Variants in SMAD3 observed in about 807,000 individuals in gnomAD.
SMAD3 encodes SMAD family member 3, also known as MAD homolog 3.
A neutral mutation model predicts 51.8 loss-of-function variants in SMAD3; 12 were observed. The observed-to-expected ratio is 0.23, with a 90% CI of 0.15 to 0.38. The LOEUF (loss-of-function observed/expected upper bound fraction) is 0.38, where lower values mean the gene tolerates loss of function less well. Among genes scored for constraint, SMAD3 ranks in the 10% least tolerant of loss-of-function variants. The pLI, the probability that SMAD3 is intolerant of heterozygous loss-of-function variation, is 1.00. For missense variants in SMAD3, 294 were observed against 565.6 expected (o/e 0.52, Z 4.87); for synonymous variants, 238 against 227.7 (o/e 1.05, Z -0.41).
intron 1 of SMAD3, among the ~76,000 whole-genome samples, chr15:67,150,560 C>G (rs553673008): frequency 1.3e-5 from 2 of 152,264 alleles, no homozygotes; most frequent in African/African-American, 4.8e-5. Context: ...TGCTCCGATT[C>G]GGGCAGACCT....
chr15:67,170,723 G>A lies in SMAD3; in HGVS notation c.658+119G>A, dbSNP rs773596152. 9.3e-5 allele frequency: 78 copies of A among 838,414 alleles called. No individual in the cohort carries two copies. In the African/African-American group the frequency reaches 1.2e-3, roughly 12 times the overall value. The allele number at this position is 838,414 out of a possible 1,614,324, so 51.9% of individuals were successfully genotyped here. A position where few individuals can be genotyped will look rare whatever the true frequency, so the allele number is the denominator to read the frequency against. On this transcript the variant is annotated intron_variant, in intron 5 of 8. Transcript: ENST00000327367. ...TCCCCCGACCCCTACCATCAGCCCA[G>A]CTCAGCCCATCAGGTTTCTGGTTAC...
intron 1 of SMAD3, chr15:67,098,855 G>T (rs74811524): frequency 8.6e-6 from 6 of 701,036 alleles, no homozygotes; most frequent in Non-Finnish European, 1.6e-5. Context: ...ATTTGGGGAC[G>T]GTGGGAGGGC....
chr15:67,127,684 G>C (rs1055899497), intron 1 of SMAD3, among the ~76,000 whole-genome samples: 4 of 152,220 alleles, frequency 2.6e-5, no homozygotes, highest in Admixed American at 1.3e-4. Context: ...TGCACCTTCA[G>C]ACTTTTTGAA....
At chr15:67,149,515 G>A (rs1383600208) in intron 1 of SMAD3, among the ~76,000 whole-genome samples, 2 of 152,182 alleles carry the variant, frequency 1.3e-5, no homozygotes, top group African/African-American at 4.8e-5. Context: ...AATCGAGGAG[G>A]GCTGTTGCCA....
At chr15:67,158,877 C>G (rs7174445) in intron 1 of SMAD3, among the ~76,000 whole-genome samples, 54,376 of 151,954 alleles carry the variant, frequency 0.36, 10,346 homozygotes, top group African/African-American at 0.49. Context: ...ACTTTGCCGG[C>G]CACTATCATA....
At chr15:67,098,596 CCA>C (rs1254417139) in intron 1 of SMAD3, 6 of 446,732 alleles carry the variant, frequency 1.3e-5, no homozygotes, top group Non-Finnish European at 2.5e-5. Flanking sequence ...CAGAGGCAAA[CCA>C]CAGAGTACAT....
chr15:67,091,473 C>G (rs998902667), intron 1 of SMAD3, among the ~76,000 whole-genome samples: 2 of 152,250 alleles, frequency 1.3e-5, no homozygotes, highest in East Asian at 1.9e-4. Context: ...CCGGTACTTT[C>G]AGGGGAAACC....
intron 1 of SMAD3, among the ~76,000 whole-genome samples, chr15:67,155,973 C>T (rs564493333): frequency 6.0e-4 from 77 of 127,570 alleles, no homozygotes; most frequent in African/African-American, 2.1e-3. Context: ...GTGACAAGAG[C>T]GAAACTCCAT....
intron 1 of SMAD3, among the ~76,000 whole-genome samples, chr15:67,093,861 C>T (rs1182540148): frequency 6.6e-6 from 1 of 152,212 alleles, no homozygotes; most frequent in Admixed American, 6.5e-5. Flanking sequence ...ATGGACTGTC[C>T]CCCACCTGCA....
chr15:67,187,450 G>A lies in SMAD3; in HGVS notation c.1095G>A (p.Gln365=). The A allele has an allele frequency of 6.2e-7, 1 of 1,614,198 alleles. No homozygotes were observed. The highest frequency in any genetic ancestry group is 8.5e-7 in the Non-Finnish European group (1 of 1,180,032). The change falls in exon 8 of 9, where the codon CAG becomes CAA. Residue 365 remains glutamine (Q), a synonymous_variant. Coordinates refer to ENST00000327367, the MANE Select transcript of SMAD3 (RefSeq NM_005902.4). ...ACCAGGGCTTTGAGGCTGTCTACCA[G>A]TTGACCCGAATGTGCACCATCCGCA... is the stretch of plus-strand genomic sequence containing the variant. ...SVNQGFEAVY[Q]LTRMCTIRMS... is the part of the protein sequence containing the mutation.
At chr15:67,079,490 T>C (rs1960238218) in intron 1 of SMAD3, among the ~76,000 whole-genome samples, 1 of 152,176 alleles carries the variant, frequency 6.6e-6, no homozygotes, top group Non-Finnish European at 1.5e-5. Flanking sequence ...GAGCTGTTAC[T>C]CTTGGCCATG....
chr15:67,068,270 C>T (rs1171388119), intron 1 of SMAD3, among the ~76,000 whole-genome samples: 2 of 152,224 alleles, frequency 1.3e-5, no homozygotes, highest in Non-Finnish European at 2.9e-5. Flanking sequence ...TTTCTGCTGC[C>T]CCATGCTGCT....
At chr15:67,071,321 G>C (rs1047138882) in intron 1 of SMAD3, among the ~76,000 whole-genome samples, 2 of 152,218 alleles carry the variant, frequency 1.3e-5, no homozygotes. Context: ...TAAACTGAGT[G>C]CTGCTATAAA....
At chr15:67,090,992 G>A (rs1343015944) in intron 1 of SMAD3, among the ~76,000 whole-genome samples, 1 of 152,182 alleles carries the variant, frequency 6.6e-6, no homozygotes, top group African/African-American at 2.4e-5. Flanking sequence ...AGGGCTGTTA[G>A]AGTGCAGTGC....
intron 1 of SMAD3, among the ~76,000 whole-genome samples, chr15:67,080,089 C>A (rs1960249701): frequency 6.6e-6 from 1 of 152,164 alleles, no homozygotes; most frequent in Admixed American, 6.5e-5. Context: ...TCAGGACCGT[C>A]CAGGCAAACC....
chr15:67,133,685 G>T (rs74020110), intron 1 of SMAD3, among the ~76,000 whole-genome samples: 1 of 152,298 alleles, frequency 6.6e-6, no homozygotes, highest in African/African-American at 2.4e-5. Flanking sequence ...ATGGAACCAA[G>T]AATTGCCTTG....
At chr15:67,177,422 G>GTTTTTTTTTTTTT (rs68095915) in intron 5 of SMAD3, among the ~76,000 whole-genome samples, 7,400 of 93,228 alleles carry the variant, frequency 0.079, 389 homozygotes, top group Non-Finnish European at 0.11. Flanking sequence ...AGTGTTTTGG[G>GTTTTTTTTTTTTT]TTTTTTTTTT....
intron 1 of SMAD3, among the ~76,000 whole-genome samples, chr15:67,085,024 T>C (rs984577785): frequency 1.3e-5 from 2 of 152,168 alleles, no homozygotes; most frequent in African/African-American, 2.4e-5. Context: ...CCGGAAAGTA[T>C]ATTCTTTGAG....
intron 1 of SMAD3, among the ~76,000 whole-genome samples, chr15:67,129,300 A>C (rs1595916831): frequency 6.6e-6 from 1 of 152,216 alleles, no homozygotes; most frequent in East Asian, 1.9e-4. Flanking sequence ...GTGTTGCCGG[A>C]TATCACTGTA....
Sources: allele counts gnomAD v4.1 joint callset (sites outside exome capture counted in the v4.1 genomes callset), GRCh38; gene constraint gnomAD v4.1.1; transcripts MANE v1.5; gene names NCBI Gene and HGNC (gene_info 2026-07-23, HGNC 2026-07-21).